Variants in PCDHA6 observed in about 807,000 individuals in gnomAD.
The protein encoded by PCDHA6 is protocadherin alpha-6.
Under a neutral mutation model 60.3 loss-of-function variants are expected in PCDHA6, and 55 were observed. That is an observed-to-expected ratio of 0.91 (90% CI 0.73 to 1.14). The LOEUF (loss-of-function observed/expected upper bound fraction) is 1.14. PCDHA6 is among the 50% of genes most tolerant of loss of function. The pLI, the probability that PCDHA6 is intolerant of heterozygous loss-of-function variation, is 0.00. For synonymous variants in PCDHA6, 652 were observed against 557.9 expected (o/e 1.17, Z -2.38); for missense variants, 1,327 against 1,256.5 (o/e 1.06, Z -0.85).
At chr5:140,975,779 A>G (rs1439511378) in intron 1 of PCDHA6, among the ~76,000 whole-genome samples, 1 of 152,118 alleles carries the variant, frequency 6.6e-6, no homozygotes, top group Non-Finnish European at 1.5e-5. Context: ...TAATACCATT[A>G]CAAGATAAAT....
intron 1 of PCDHA6, chr5:140,850,214 T>A (rs1554143992): frequency 6.3e-7 from 1 of 1,593,328 alleles, no homozygotes; most frequent in African/African-American, 1.3e-5. Flanking sequence ...TGAGGGGCAC[T>A]GACGGCGCAG....
At chr5:140,834,242 C>T in intron 1 of PCDHA6, 8 of 829,662 alleles carry the variant, frequency 9.6e-6, no homozygotes, top group Non-Finnish European at 1.5e-5. Flanking sequence ...TTCCTTTTCG[C>T]ACTGGAAAGA....
intron 1 of PCDHA6, chr5:140,842,662 C>G (rs2150341461): frequency 1.3e-6 from 2 of 1,595,426 alleles, no homozygotes; most frequent in East Asian, 2.2e-5. Context: ...AGGTGGCCGA[C>G]GTGAACGACA....
intron 1 of PCDHA6, among the ~76,000 whole-genome samples, chr5:140,897,927 C>T (rs2066407931): frequency 6.6e-6 from 1 of 152,196 alleles, no homozygotes. Context: ...ATTTGCGTTT[C>T]TCTGATGGCC....
At chr5:140,883,343 A>G in intron 1 of PCDHA6, 1 of 1,614,142 alleles carries the variant, frequency 6.2e-7, no homozygotes, top group Non-Finnish European at 8.5e-7. Context: ...GTCACTCCCC[A>G]TCAGAGAAGA....
chr5:140,954,209 T>C (rs2094996699), intron 1 of PCDHA6, among the ~76,000 whole-genome samples: 1 of 152,218 alleles, frequency 6.6e-6, no homozygotes, highest in Non-Finnish European at 1.5e-5. Context: ...GTTGATCCCA[T>C]GTTTTTGCTA....
At chr5:140,975,978 A>T (rs964939685) in intron 1 of PCDHA6, among the ~76,000 whole-genome samples, 1 of 152,142 alleles carries the variant, frequency 6.6e-6, no homozygotes, top group African/African-American at 2.4e-5. Context: ...AAGTAAGCAT[A>T]GTCCTGGGAG....
At chr5:140,849,666 C>T (rs2041028520) in intron 1 of PCDHA6, 2 of 1,598,568 alleles carry the variant, frequency 1.3e-6, no homozygotes, top group African/African-American at 1.3e-5. Context: ...CTCCCTGACG[C>T]CCCACGTCCC....
chr5:140,869,570 G>A, intron 1 of PCDHA6: 1 of 1,614,148 alleles, frequency 6.2e-7, no homozygotes. Flanking sequence ...CCACTAGAGG[G>A]AGCTTCTGAT....
At chr5:140,928,208 A>G in intron 1 of PCDHA6, 1 of 1,614,228 alleles carries the variant, frequency 6.2e-7, no homozygotes, top group Non-Finnish European at 8.5e-7. Context: ...GCTGATGTGA[A>G]TGACAATACA....
chr5:140,978,834 C>A (rs1294349430), intron 1 of PCDHA6, 115 bp from the exon 2 acceptor site: 3 of 1,546,580 alleles, frequency 1.9e-6, no homozygotes, highest in Non-Finnish European at 2.6e-6. Context: ...ATGGCTCATT[C>A]AATACTTTTT....
At chr5:141,000,103 G>A (rs551643743) in intron 3 of PCDHA6, among the ~76,000 whole-genome samples, 15 of 152,186 alleles carry the variant, frequency 9.9e-5, no homozygotes, top group Admixed American at 5.2e-4. Context: ...GCTCAACTCC[G>A]TCTCTTCCCT....
intron 1 of PCDHA6, chr5:140,884,083 G>C (rs538322622): frequency 1.2e-6 from 2 of 1,613,596 alleles, no homozygotes; most frequent in South Asian, 1.1e-5. Context: ...GCTACAATGC[G>C]TGGCTTTCGT....
intron 1 of PCDHA6, chr5:140,865,253 G>T (rs782676084): frequency 6.6e-6 from 1 of 152,152 alleles, no homozygotes; most frequent in Non-Finnish European, 1.5e-5. Context: ...TAGCTGTAAG[G>T]ATGTGTATCA....
chr5:140,985,792 T>G (rs1043772430), intron 3 of PCDHA6, among the ~76,000 whole-genome samples: 1 of 142,326 alleles, frequency 7.0e-6, no homozygotes. Flanking sequence ...CAGGCTGGAG[T>G]GCAGTGGCAC....
chr5:140,831,107 C>T (rs1479291703), intron 1 of PCDHA6: 8 of 152,120 alleles, frequency 5.3e-5, no homozygotes, highest in Non-Finnish European at 8.8e-5. Context: ...AGTTATCAGC[C>T]TGAATACTTC....
At chr5:140,935,570 T>C (rs2090442737) in intron 1 of PCDHA6, among the ~76,000 whole-genome samples, 1 of 152,236 alleles carries the variant, frequency 6.6e-6, no homozygotes, top group South Asian at 2.1e-4. Context: ...TTCCTCTCTG[T>C]GTAGTTAAGC....
At chr5:140,985,739 CTTTTTTTTTT>C (rs11372071) in intron 3 of PCDHA6, among the ~76,000 whole-genome samples, 1 of 117,922 alleles carries the variant, frequency 8.5e-6, no homozygotes, top group African/African-American at 3.2e-5. Context: ...TGATGAATTC[CTTTTTTTTTT>C]TTTTTTTTTT....
chr5:140,847,669 G>A (rs2150402722), intron 1 of PCDHA6: 11 of 149,670 alleles, frequency 7.3e-5, no homozygotes, highest in African/African-American at 2.7e-4. Flanking sequence ...TATAAAGCTT[G>A]GAAAGAATCA....
Sources: gnomAD v4.1 joint callset for allele counts (sites outside exome capture counted in the v4.1 genomes callset) on GRCh38, gnomAD v4.1.1 for gene constraint, MANE v1.5 for transcripts, NCBI Gene and HGNC (gene_info 2026-07-23, HGNC 2026-07-21) for gene names.